The following COA6 variants were observed in gnomAD, a reference collection of about 807,000 sequenced individuals.
The protein encoded by COA6 is cytochrome c oxidase assembly factor 6.
Under a neutral mutation model 17.1 loss-of-function variants are expected in COA6, and 12 were observed. The ratio of observed to expected loss-of-function variants is 0.70; its 90% CI spans 0.45 to 1.14. The LOEUF is 1.14. Among genes scored for constraint, COA6 ranks in the 50% most tolerant of loss-of-function variants. COA6 has a pLI of 0.00. For synonymous variants in COA6, 90 were observed against 73.4 expected (o/e 1.23, Z -1.16); for missense variants, 246 against 196.5 (o/e 1.25, Z -1.51).
At chr1:234,383,344 A>C (rs1325266059) in intron 2 of COA6, among the ~76,000 whole-genome samples, 1 of 140,926 alleles carries the variant, frequency 7.1e-6, no homozygotes, top group Admixed American at 7.3e-5. Flanking sequence ...CAATGAGAAC[A>C]CATCACAGGA....
At chr1:234,378,522 A>AT (rs1461589470) in intron 2 of COA6, among the ~76,000 whole-genome samples, 63 of 152,380 alleles carry the variant, frequency 4.1e-4, no homozygotes, top group East Asian at 2.3e-3. Flanking sequence ...GTTAGGGAAC[A>AT]GATAGGCAGA....
chr1:234,378,161 A>T (rs1460621193), intron 2 of COA6, among the ~76,000 whole-genome samples: 2 of 152,200 alleles, frequency 1.3e-5, no homozygotes, highest in Non-Finnish European at 2.9e-5. Context: ...TAACCTGCCC[A>T]TTTTAATGGA....
intron 2 of COA6, among the ~76,000 whole-genome samples, chr1:234,378,665 G>C (rs1035219300): frequency 3.3e-5 from 5 of 152,146 alleles, no homozygotes; most frequent in African/African-American, 1.2e-4. Context: ...CCTGAGGTCA[G>C]GATTTGAGAC....
At chr1:234,381,831 C>T (rs1658981425) in intron 2 of COA6, among the ~76,000 whole-genome samples, 1 of 152,174 alleles carries the variant, frequency 6.6e-6, no homozygotes, top group Non-Finnish European at 1.5e-5. Flanking sequence ...AAGTTCTGGA[C>T]AAGTTGGGAC....
intron 2 of COA6, among the ~76,000 whole-genome samples, chr1:234,381,681 C>T (rs1444822593): frequency 2.0e-5 from 3 of 152,210 alleles, no homozygotes; most frequent in Admixed American, 1.3e-4. Context: ...AGTGAAAGAG[C>T]TGTTACAGCA....
intron 2 of COA6, 43 bp from the exon 3 acceptor site, chr1:234,383,680 T>C: frequency 1.2e-6 from 1 of 802,170 alleles, no homozygotes; most frequent in Non-Finnish European, 2.1e-6. Context: ...TTATCTAAGC[T>C]GCATAACTTG....
At chr1:234,381,058 A>G (rs1244724897) in intron 2 of COA6, among the ~76,000 whole-genome samples, 1 of 152,226 alleles carries the variant, frequency 6.6e-6, no homozygotes, top group East Asian at 1.9e-4. Context: ...GATCAGGCCT[A>G]TCATTCTAGC....
intron 1 of COA6, 31 bp downstream of exon 1, chr1:234,373,709 C>A (rs758517765): frequency 1.2e-6 from 2 of 1,613,624 alleles, no homozygotes; most frequent in South Asian, 2.2e-5. Flanking sequence ...GGGTGGGGCG[C>A]GCGTGGACTA....
In COA6 at chr1:234,373,456, A is replaced by G. The variant is rs752090061; in HGVS notation, c.-11A>G. On this transcript the variant is annotated 5_prime_UTR_variant, in exon 1 of 3. An upstream start codon of the reference 5' UTR is lost. Coordinates refer to ENST00000366615, the MANE Select transcript of COA6 (RefSeq NM_001206641.3). ...GCGAAACAGGAAGTCCCGCCCCTCT[A>G]TGGAAAGTAAATGGTAGCTCGGAAG... 2.6e-5 allele frequency: 39 copies of G among 1,498,386 alleles called. No individual in the cohort carries two copies. In the East Asian group the frequency reaches 3.2e-4, roughly 12 times the overall value. The allele number at this position is 1,498,386 out of a possible 1,614,324, so 92.8% of individuals were successfully genotyped here. A position where few individuals can be genotyped will look rare whatever the true frequency, so the allele number is the denominator to read the frequency against.
rs548046879 is a variant in COA6 at position 234,374,121 on chromosome 1, T to G, written c.213-109T>G. ...GTTTTGTTTTGTTTTTGTTTTTTTTTTTTTTTTTAGTTTTAAAGGAAGAGG... is the reference window on the plus strand; with the variant it reads ...GTTTTGTTTTGTTTTTGTTTTTTTTGTTTTTTTTAGTTTTAAAGGAAGAGG... On this transcript the variant is annotated intron_variant, in intron 1 of 2. Coordinates refer to ENST00000366615, the MANE Select transcript of COA6 (RefSeq NM_001206641.3). The G allele has an allele frequency of 5.6e-4, 665 of 1,182,788 alleles. 3 individuals are homozygous for G. In the East Asian group the frequency reaches 0.011, roughly 20 times the overall value. The allele number at this position is 1,182,788 out of a possible 1,614,324, so 73.3% of individuals were successfully genotyped here. A position where few individuals can be genotyped will look rare whatever the true frequency, so the allele number is the denominator to read the frequency against.
intron 1 of COA6, 55 bp downstream of exon 1, chr1:234,373,733 T>C (rs773441458): frequency 1.9e-6 from 3 of 1,612,794 alleles, no homozygotes; most frequent in Non-Finnish European, 2.5e-6. Flanking sequence ...GCCCGGGAGG[T>C]CCCTTACTGT....
rs1659068921 is a variant in COA6 at position 234,384,346 on chromosome 1, A to G, written c.*528A>G. Among the ~76,000 whole-genome samples, 1 of 152,166 alleles carries G rather than the reference A, an allele frequency of 6.6e-6. No homozygotes were observed. Among genetic ancestry groups the G allele is most frequent in the African/African-American group, 2.4e-5 (1 of 41,446 alleles). On this transcript the variant is annotated 3_prime_UTR_variant, in exon 3 of 3. Transcript: ENST00000366615. Reference sequence around the variant, plus strand: ...TGTCTAGCTAGTCCAGTGAGACAAAAAAGAAAAAGCATACACACTGGGAAG... The same window carrying G: ...TGTCTAGCTAGTCCAGTGAGACAAAGAAGAAAAAGCATACACACTGGGAAG...
chr1:234,383,613 T>C (rs1388764914), intron 2 of COA6, 110 bp from the exon 3 acceptor site: 2 of 589,580 alleles, frequency 3.4e-6, no homozygotes, highest in African/African-American at 4.0e-5. Flanking sequence ...GGTTCTAGAA[T>C]ATAAATCACT....
intron 2 of COA6, among the ~76,000 whole-genome samples, chr1:234,379,086 C>T (rs1283091794): frequency 6.7e-6 from 1 of 149,444 alleles, no homozygotes; most frequent in East Asian, 2.0e-4. Flanking sequence ...TGCCATGTTG[C>T]CCAGGCTGGT....
chr1:234,380,880 G>A lies in COA6; in HGVS notation c.373-2843G>A, dbSNP rs1260406850. 3.3e-5 allele frequency among the ~76,000 whole-genome samples: 5 copies of A among 152,178 alleles called. No individual in the cohort carries two copies. In the South Asian group the frequency reaches 1.0e-3, roughly 32 times the overall value. ...CCAGGCGCGGTGGCACGCGCCTGTA[G>A]TCCCACCTACTCGGGAGGCTGAGTC... On this transcript the variant is annotated intron_variant, in intron 2 of 2. Transcript: ENST00000366615.
intron 2 of COA6, among the ~76,000 whole-genome samples, chr1:234,382,942 C>T (rs1015165352): frequency 1.3e-5 from 2 of 150,758 alleles, no homozygotes; most frequent in Non-Finnish European, 2.9e-5. Flanking sequence ...GGGAGGCGGA[C>T]GTTGCAGTGA....
chr1:234,379,447 G>A (rs1658907104), intron 2 of COA6, among the ~76,000 whole-genome samples: 1 of 152,134 alleles, frequency 6.6e-6, no homozygotes, highest in Admixed American at 6.5e-5. Context: ...GTTGGAGGAT[G>A]AGATCATTGA....
chr1:234,375,957 A>C (rs898992178), intron 2 of COA6, among the ~76,000 whole-genome samples: 1 of 152,188 alleles, frequency 6.6e-6, no homozygotes, highest in East Asian at 1.9e-4. Context: ...ACGTCTGGCC[A>C]GGCATTGCTT....
intron 2 of COA6, 49 bp from the exon 3 acceptor site, chr1:234,383,674 C>G (rs1659047526): frequency 2.6e-6 from 2 of 779,896 alleles, no homozygotes; most frequent in Non-Finnish European, 4.5e-6. Context: ...TTTTGCTTAT[C>G]TAAGCTGCAT....
Sources: gnomAD v4.1 joint callset for allele counts (sites outside exome capture counted in the v4.1 genomes callset) on GRCh38, gnomAD v4.1.1 for gene constraint, MANE v1.5 for transcripts, NCBI Gene and HGNC (gene_info 2026-07-23, HGNC 2026-07-21) for gene names.